The following LINGO2 variants were observed in gnomAD, a reference collection of about 807,000 sequenced individuals.
The protein encoded by LINGO2 is leucine-rich repeat and immunoglobulin-like domain-containing nogo receptor-interacting protein 2.
LINGO2 carries 14 observed loss-of-function variants against 30.6 expected under a neutral mutation model. That is an observed-to-expected ratio of 0.46 (90% confidence interval 0.30 to 0.72). LINGO2 has a LOEUF of 0.72. LINGO2 is among the 30% of genes least tolerant of loss of function. LINGO2 has a pLI of 0.07. For missense variants in LINGO2, 729 were observed against 751.7 expected, an observed-to-expected ratio of 0.97 and a Z score of 0.35; for synonymous variants, 317 against 288.5, an observed-to-expected ratio of 1.10 and a Z score of -1.00.
At chr9:28,595,234 T>G (rs1825120861) in intron 1 of LINGO2, among the ~76,000 whole-genome samples, 1 of 152,078 alleles carries the variant, frequency 6.6e-6, no homozygotes, top group African/African-American at 2.4e-5. Context: ...TGCCACCCAG[T>G]ATTAGATGTG....
At chr9:29,079,053 G>A in the LINGO2 span, among the ~76,000 whole-genome samples, 2 of 151,856 alleles carry the variant, frequency 1.3e-5, no homozygotes, top group Non-Finnish European at 2.9e-5. Context: ...TACAAATCCA[G>A]ATATGACTTT....
chr9:28,057,349 G>C (rs1824975465), intron 4 of LINGO2, among the ~76,000 whole-genome samples: 2 of 151,674 alleles, frequency 1.3e-5, no homozygotes, highest in South Asian at 4.2e-4. Flanking sequence ...ATCTACAAAA[G>C]GGAAACAGCA....
At chr9:28,399,519 G>T (rs1301948104) in intron 2 of LINGO2, among the ~76,000 whole-genome samples, 2 of 151,552 alleles carry the variant, frequency 1.3e-5, no homozygotes, top group African/African-American at 4.9e-5. Context: ...AGAAACATAG[G>T]GAAAACATGG....
the LINGO2 span, among the ~76,000 whole-genome samples, chr9:28,684,325 C>G: frequency 6.7e-6 from 1 of 149,516 alleles, no homozygotes; most frequent in Non-Finnish European, 1.5e-5. Context: ...GTAGCTGGGA[C>G]TACAGGCGCC....
intron 4 of LINGO2, among the ~76,000 whole-genome samples, chr9:28,171,735 G>A (rs1441205511): frequency 1.3e-5 from 2 of 151,988 alleles, no homozygotes; most frequent in East Asian, 1.9e-4. Flanking sequence ...TCTGCCGGGT[G>A]TGGTGGCTCG....
the LINGO2 span, among the ~76,000 whole-genome samples, chr9:28,720,926 A>G: frequency 2.6e-5 from 4 of 152,000 alleles, no homozygotes; most frequent in Non-Finnish European, 4.4e-5. Flanking sequence ...GAATCACTGG[A>G]GTGTTGTCTC....
At chr9:28,964,687 T>C in the LINGO2 span, among the ~76,000 whole-genome samples, 1 of 152,006 alleles carries the variant, frequency 6.6e-6, no homozygotes, top group East Asian at 1.9e-4. Flanking sequence ...ATGATAGAGA[T>C]ATTAGAGGCC....
intron 1 of LINGO2, among the ~76,000 whole-genome samples, chr9:28,484,910 A>C (rs1303273983): frequency 1.3e-5 from 2 of 152,070 alleles, no homozygotes; most frequent in Non-Finnish European, 2.9e-5. Flanking sequence ...AGTCTCCAAA[A>C]TATTGAACTC....
At chr9:28,719,113 C>A in the LINGO2 span, among the ~76,000 whole-genome samples, 1 of 151,954 alleles carries the variant, frequency 6.6e-6, no homozygotes, top group Non-Finnish European at 1.5e-5. Flanking sequence ...GCATTTGTAT[C>A]TATTGTTAAT....
chr9:27,980,771 C>T (rs185818820), intron 5 of LINGO2, among the ~76,000 whole-genome samples: 1 of 151,820 alleles, frequency 6.6e-6, no homozygotes, highest in Non-Finnish European at 1.5e-5. Context: ...TCCCTTAGCC[C>T]TTGCACAGGT....
At chr9:29,200,168 A>G in the LINGO2 span, among the ~76,000 whole-genome samples, 9 of 152,138 alleles carry the variant, frequency 5.9e-5, no homozygotes, top group Non-Finnish European at 1.3e-4. Flanking sequence ...ATCTGACTTA[A>G]GTCAGAAACA....
the LINGO2 span, among the ~76,000 whole-genome samples, chr9:28,986,832 G>A: frequency 6.6e-6 from 1 of 151,842 alleles, no homozygotes; most frequent in African/African-American, 2.4e-5. Flanking sequence ...ATAATATACT[G>A]AAAGTAAAAA....
At chr9:28,576,224 G>A (rs142433402) in intron 1 of LINGO2, among the ~76,000 whole-genome samples, 3 of 152,294 alleles carry the variant, frequency 2.0e-5, no homozygotes, top group Admixed American at 6.5e-5. Context: ...ATGGCTGACC[G>A]GAAGCTGCAG....
chr9:27,993,970 C>T (rs569765792), intron 5 of LINGO2, among the ~76,000 whole-genome samples: 202 of 151,420 alleles, frequency 1.3e-3, no homozygotes, highest in African/African-American at 4.7e-3. Context: ...CTCTGACCAC[C>T]GTGGAATAAA....
chr9:29,001,980 A>AT, the LINGO2 span, among the ~76,000 whole-genome samples: 1 of 151,972 alleles, frequency 6.6e-6, no homozygotes, highest in Non-Finnish European at 1.5e-5. Flanking sequence ...TTTTCCACAC[A>AT]GGTATTAAAA....
At chr9:28,973,951 G>A in the LINGO2 span, among the ~76,000 whole-genome samples, 3 of 151,996 alleles carry the variant, frequency 2.0e-5, no homozygotes, top group Non-Finnish European at 4.4e-5. Flanking sequence ...ATTACCTGAG[G>A]GTATAAAACT....
intron 1 of LINGO2, among the ~76,000 whole-genome samples, chr9:28,519,525 C>T (rs1026799235): frequency 1.1e-4 from 17 of 152,276 alleles, no homozygotes; most frequent in Admixed American, 2.0e-4. Flanking sequence ...CTCAACAAAT[C>T]ATTCCTATCC....
intron 3 of LINGO2, among the ~76,000 whole-genome samples, chr9:28,352,851 AT>A (rs879599363): frequency 4.4e-4 from 65 of 149,328 alleles, no homozygotes; most frequent in Admixed American, 1.1e-3. Context: ...AATGCCACAT[AT>A]CTACAACTAT....
chr9:29,081,161 G>A, the LINGO2 span, among the ~76,000 whole-genome samples: 45 of 152,070 alleles, frequency 3.0e-4, no homozygotes, highest in South Asian at 8.3e-4. Flanking sequence ...GATGAACATC[G>A]ATGCAAAAAT....
Sources: gnomAD v4.1 joint callset for allele counts (sites outside exome capture counted in the v4.1 genomes callset) on GRCh38, gnomAD v4.1.1 for gene constraint, MANE v1.5 for transcripts, NCBI Gene and HGNC (gene_info 2026-07-23, HGNC 2026-07-21) for gene names.